PSEN1: variants seen among roughly 807,000 people sequenced by gnomAD.
PSEN1 encodes presenilin 1, also known as presenilin-1.
Under a neutral mutation model 53.5 loss-of-function variants are expected in PSEN1, and 15 were observed. The ratio of observed to expected loss-of-function variants is 0.28; its 90% CI spans 0.19 to 0.43. The LOEUF (loss-of-function observed/expected upper bound fraction) is 0.43, where lower values mean the gene tolerates loss of function less well. Among genes scored for constraint, PSEN1 ranks in the 20% least tolerant of loss-of-function variants. The pLI is 1.00. For missense variants in PSEN1, 387 were observed against 571.2 expected, an observed-to-expected ratio of 0.68 and a Z score of 3.29; for synonymous variants, 208 against 209.8, an observed-to-expected ratio of 0.99 and a Z score of 0.08.
chr14:73,186,235 C>G (rs146172047), intron 5 of PSEN1, among the ~76,000 whole-genome samples: 3,461 of 152,132 alleles, frequency 0.023, 135 homozygotes, highest in African/African-American at 0.076. Context: ...CAGAATTAGC[C>G]AGGTGTGGTG....
In PSEN1 at chr14:73,219,548, A is replaced by G; in HGVS notation, c.*259A>G. The G allele has an allele frequency of 2.1e-6, 1 of 474,840 alleles. No homozygotes were observed. Among genetic ancestry groups the G allele is most frequent in the Non-Finnish European group, 3.9e-6 (1 of 258,662 alleles). The allele number at this position is 474,840 out of a possible 1,614,324, so 29.4% of individuals were successfully genotyped here. A position where few individuals can be genotyped will look rare whatever the true frequency, so the allele number is the denominator to read the frequency against. ...CAGAAACTACCAGATTTGAGGGACG[A>G]GGTCAAGGAGATATGATAGGCCCGG... On this transcript the variant is annotated 3_prime_UTR_variant, in exon 12 of 12. Transcript: ENST00000324501.
intron 8 of PSEN1, among the ~76,000 whole-genome samples, chr14:73,203,363 C>T (rs1267600387): frequency 6.6e-6 from 1 of 152,220 alleles, no homozygotes; most frequent in Non-Finnish European, 1.5e-5. Flanking sequence ...GCTGGGATTA[C>T]AGGCATGAGC....
chr14:73,194,256 GT>G (rs1462563159), intron 7 of PSEN1, among the ~76,000 whole-genome samples: 3 of 146,470 alleles, frequency 2.0e-5, no homozygotes, highest in Admixed American at 6.8e-5. Flanking sequence ...TTTTCTTTTT[GT>G]TTTTTTCTTC....
chr14:73,170,595 TAA>T (rs1897856120), intron 3 of PSEN1, among the ~76,000 whole-genome samples, 200 bp from the exon 4 acceptor site: 1 of 152,124 alleles, frequency 6.6e-6, no homozygotes, highest in Non-Finnish European at 1.5e-5. Flanking sequence ...AAGACCCAGG[TAA>T]AAGAGAGGAC....
intron 3 of PSEN1, among the ~76,000 whole-genome samples, chr14:73,150,177 T>C (rs1034866759): frequency 6.6e-6 from 1 of 152,222 alleles, no homozygotes; most frequent in Admixed American, 6.5e-5. Flanking sequence ...TAACATCTTA[T>C]TTGCTGTTTT....
At position 73,183,899 on chromosome 14, in the gene PSEN1, C is replaced by T. The variant is rs1376727359; in HGVS notation, c.481-2954C>T. Among the ~76,000 whole-genome samples, 586 of 149,490 alleles carry T rather than the reference C, an allele frequency of 3.9e-3. 7 individuals are homozygous for T. Among genetic ancestry groups the T allele is most frequent in the African/African-American group, 0.013 (523 of 39,976 alleles). ...CCGGGCAGAGGTGCCCCTCACCTCC[C>T]GGGCGGGGCGGCTGGCCGGGCGGGG... On this transcript the variant is annotated intron_variant, in intron 5 of 11. Transcript: ENST00000324501.
intron 7 of PSEN1, among the ~76,000 whole-genome samples, chr14:73,193,390 C>A (rs148998082): frequency 2.0e-5 from 3 of 151,440 alleles, no homozygotes; most frequent in African/African-American, 7.3e-5. Flanking sequence ...ACTAAAAATA[C>A]AAAAATTAGC....
At chr14:73,198,709 C>A (rs362367) in intron 8 of PSEN1, among the ~76,000 whole-genome samples, 1 of 151,998 alleles carries the variant, frequency 6.6e-6, no homozygotes, top group Non-Finnish European at 1.5e-5. Context: ...ATCAATAGTT[C>A]TAGCAACTGA....
chr14:73,151,065 C>CT, intron 3 of PSEN1, among the ~76,000 whole-genome samples: 1 of 148,826 alleles, frequency 6.7e-6, no homozygotes, highest in Non-Finnish European at 1.5e-5. Context: ...GAGACTCCAT[C>CT]TAAAAAAAAA....
rs146753793 is a variant in PSEN1, at chr14:73,176,136, A to G, written c.480+2429A>G. The stretch of plus-strand genomic sequence containing the variant: ...TAAGTGATGGCCATCTGTATAATCT[A>G]TTAGTAATGTATGGAGACCATTAAA... On this transcript the variant is annotated intron_variant, in intron 5 of 11. Coordinates refer to ENST00000324501, the MANE Select transcript of PSEN1 (RefSeq NM_000021.4). Among the ~76,000 whole-genome samples, 164 of 152,370 alleles carry G rather than the reference A, an allele frequency of 1.1e-3. 1 individual carries two copies. The highest frequency in any genetic ancestry group is 1.7e-3 in the Non-Finnish European group (115 of 68,032).
At position 73,171,052 on chromosome 14, in the gene PSEN1, G is replaced by T; in HGVS notation, c.338+5G>T. On this transcript the variant is annotated splice_donor_5th_base_variant and intron_variant, in intron 4 of 11. Transcript: ENST00000324501. ...TACCCGGAAGGATGGGCAGCTGTAC[G>T]TATGAGTTTTGTTTTATTATTCTCA... 5 of 1,614,072 alleles carry T rather than the reference G, an allele frequency of 3.1e-6. No individual in the cohort carries two copies. The highest frequency in any genetic ancestry group is 4.2e-6 in the Non-Finnish European group (5 of 1,180,036).
At chr14:73,180,415 T>C (rs1370773713) in intron 5 of PSEN1, among the ~76,000 whole-genome samples, 2 of 152,240 alleles carry the variant, frequency 1.3e-5, no homozygotes, top group Non-Finnish European at 2.9e-5. Flanking sequence ...AGAAACAAGT[T>C]GTTTACTTTG....
At chr14:73,161,885 T>C (rs1479095901) in intron 3 of PSEN1, among the ~76,000 whole-genome samples, 1 of 150,366 alleles carries the variant, frequency 6.7e-6, no homozygotes, top group Non-Finnish European at 1.5e-5. Context: ...CCGGGCGCAG[T>C]GGCTCACGCC....
intron 9 of PSEN1, 112 bp from the exon 10 acceptor site, chr14:73,211,657 G>GT: frequency 8.5e-7 from 1 of 1,178,604 alleles, no homozygotes; most frequent in Non-Finnish European, 1.2e-6. Context: ...ATGCTTTGTG[G>GT]TTTAAGGGCC....
Position 73,196,932 on chromosome 14 carries a change from C to CTT in PSEN1, c.770-1082_770-1081dup, listed in dbSNP as rs557577799. Among the ~76,000 whole-genome samples, 106 of 128,838 alleles carry CTT rather than the reference C, an allele frequency of 8.2e-4. 1 individual carries two copies. The highest frequency in any genetic ancestry group is 1.4e-3 in the African/African-American group (48 of 33,504). 84.5% of individuals were successfully genotyped at this position (128,838 alleles called of 152,430 possible). On this transcript the variant is annotated intron_variant, in intron 7 of 11. Transcript: ENST00000324501. Reference sequence around the variant, plus strand: ...TATTCTGAATTTTCTTTCTTTCTTTCTTTTTTTTTTTTTTTTTTGAGACGG... The same window carrying CTT: ...TATTCTGAATTTTCTTTCTTTCTTTCTTTTTTTTTTTTTTTTTTTTGAGACGG...
upstream of PSEN1, chr14:73,136,428 G>A (rs1896741599): frequency 6.5e-6 from 1 of 152,918 alleles, no homozygotes; most frequent in Non-Finnish European, 1.5e-5. Flanking sequence ...AACGACGCCA[G>A]AGCCGGAAAT....
Position 73,186,882 on chromosome 14 carries a change from T to G in PSEN1, c.510T>G (p.Ser170=). The G allele has an allele frequency of 1.2e-6, 2 of 1,613,858 alleles. No homozygotes were observed. The highest frequency in any genetic ancestry group is 1.7e-6 in the Non-Finnish European group (2 of 1,179,750). Residue 170 remains serine, a synonymous_variant, in exon 6 of 12, where the codon TCT becomes TCG. Coordinates refer to ENST00000324501, the MANE Select transcript of PSEN1 (RefSeq NM_000021.4). The part of the protein sequence containing the change: ...KVIHAWLIIS[S]LLLLFFFSFI... ...TCCATGCCTGGCTTATTATATCATC[T>G]CTATTGTTGCTGTTCTTTTTTTCAT...
intron 3 of PSEN1, among the ~76,000 whole-genome samples, chr14:73,153,363 A>G (rs190095457): frequency 6.6e-6 from 1 of 152,340 alleles, no homozygotes; most frequent in East Asian, 1.9e-4. Context: ...TAACAGCCCC[A>G]TAAGTGTTCA....
intron 3 of PSEN1, among the ~76,000 whole-genome samples, chr14:73,163,423 A>G (rs1251851113): frequency 1.3e-5 from 2 of 152,242 alleles, no homozygotes; most frequent in Admixed American, 1.3e-4. Context: ...ACAAAAAATT[A>G]GCCGAGCTTC....
Sources: gnomAD v4.1 joint callset for allele counts (sites outside exome capture counted in the v4.1 genomes callset) on GRCh38, gnomAD v4.1.1 for gene constraint, MANE v1.5 for transcripts, NCBI Gene and HGNC (gene_info 2026-07-23, HGNC 2026-07-21) for gene names.